Variants in MINK1 observed in about 807,000 individuals in gnomAD.
MINK1 encodes the protein misshapen like kinase 1.
Under a neutral mutation model 178.4 loss-of-function variants are expected in MINK1, and 46 were observed. That is an observed-to-expected ratio of 0.26 (90% CI 0.20 to 0.33). The LOEUF (loss-of-function observed/expected upper bound fraction) is 0.33. Among genes scored for constraint, MINK1 ranks in the 10% least tolerant of loss-of-function variants. The pLI, the probability that MINK1 is intolerant of heterozygous loss-of-function variation, is 1.00. For missense variants in MINK1, 1,366 were observed against 1,814.9 expected (o/e 0.75, Z 4.49); for synonymous variants, 797 against 709.7 (o/e 1.12, Z -1.96).
intron 1 of MINK1, among the ~76,000 whole-genome samples, chr17:4,858,675 C>T (rs1019652175): frequency 2.6e-5 from 4 of 151,982 alleles, no homozygotes; most frequent in Admixed American, 6.6e-5. Flanking sequence ...TGGGGTTTCA[C>T]CATGTTGGCC....
In MINK1 at chr17:4,886,963, G is replaced by A. The variant is rs1166851164; in HGVS notation, c.950-147G>A. The A allele has an allele frequency of 5.3e-6, 4 of 758,788 alleles. No individual in the cohort carries two copies. The highest frequency in any genetic ancestry group is 2.7e-5 in the East Asian group (1 of 37,042). The allele number at this position is 758,788 out of a possible 1,614,324, so 47.0% of individuals were successfully genotyped here. ...CTGTCCAGGCCCACACCTGAGACCC[G>A]CTGTCCTCCCATTGCCCCCAGGAAG... On this transcript the variant is annotated intron_variant, in intron 10 of 31. Transcript: ENST00000355280. The surrounding 1 kb of genome is among the most constrained non-coding windows in gnomAD (Gnocchi z 6.1).
intron 1 of MINK1, among the ~76,000 whole-genome samples, chr17:4,873,475 A>G (rs55851534): frequency 0.026 from 2,532 of 97,698 alleles, 141 homozygotes; most frequent in African/African-American, 0.11. Flanking sequence ...CCCCAATTCA[A>G]CATTCAAACC....
chr17:4,891,235 C>A, intron 15 of MINK1, 111 bp downstream of exon 15: 2 of 1,169,924 alleles, frequency 1.7e-6, no homozygotes, highest in Non-Finnish European at 2.4e-6. Context: ...CCTGCTCAGC[C>A]GTGAGCCAGG....
At chr17:4,844,125 C>T (rs1362615091) in intron 1 of MINK1, among the ~76,000 whole-genome samples, 15 of 152,136 alleles carry the variant, frequency 9.9e-5, no homozygotes, top group Middle Eastern at 3.4e-3. Flanking sequence ...CTCAGCCTCC[C>T]GAGTAGCTGG....
At chr17:4,878,513 A>G in intron 2 of MINK1, 131 bp downstream of exon 2, 1 of 800,864 alleles carries the variant, frequency 1.2e-6, no homozygotes. Flanking sequence ...GGGCCCTGGA[A>G]AGGTAGAGTG....
rs956947201 is a variant in MINK1 at position 4,873,602 on chromosome 17, A to C, written c.58-4715A>C. Among the ~76,000 whole-genome samples the C allele has an allele frequency of 6.9e-4, 92 of 133,994 alleles. 18 individuals carry two copies. Among genetic ancestry groups the C allele is most frequent in the Non-Finnish European group, 8.1e-4 (51 of 62,944 alleles). 87.9% of individuals were successfully genotyped at this position (133,994 alleles called of 152,430 possible). ...CCCACAACACAGCATGGTCTTCGCC[A>C]CTCTTTTTTCTTTTCTTTTTTTTTT... On this transcript the variant is annotated intron_variant, in intron 1 of 31. Transcript: ENST00000355280.
chr17:4,850,981 C>T (rs1260398778), intron 1 of MINK1: 2 of 458,034 alleles, frequency 4.4e-6, no homozygotes, highest in African/African-American at 4.0e-5. Flanking sequence ...AGGGACTGGC[C>T]CTCCTCCCTG....
chr17:4,869,248 ATTTATTTATTTATTTATT>A (rs1915513443), intron 1 of MINK1, among the ~76,000 whole-genome samples: 1 of 8,814 alleles, frequency 1.1e-4, no homozygotes, highest in Non-Finnish European at 5.9e-4. Flanking sequence ...TTAAATTATT[ATTTATTTATTTATTTATT>A]TATTTATTTA....
intron 1 of MINK1, among the ~76,000 whole-genome samples, chr17:4,871,903 G>C (rs1234419481): frequency 6.6e-6 from 1 of 152,124 alleles, no homozygotes; most frequent in African/African-American, 2.4e-5. Context: ...CTGAAGTACA[G>C]TGGCATGACC....
intron 1 of MINK1, among the ~76,000 whole-genome samples, chr17:4,870,892 T>C (rs1238746365): frequency 2.6e-5 from 4 of 152,206 alleles, no homozygotes; most frequent in Admixed American, 1.3e-4. Flanking sequence ...CACAGACTTA[T>C]GCAACCATCT....
chr17:4,833,679 C>A lies in MINK1; in HGVS notation c.57+39C>A, dbSNP rs1453698199. On this transcript the variant is annotated intron_variant, in intron 1 of 31. Transcript: ENST00000355280. The surrounding 1 kb of genome is among the most constrained non-coding windows in gnomAD (Gnocchi z 4.8). ...CCCCCAGCCTCGCCCTGGTTCCTGT[C>A]CCCGCCGCAGGGGAGGGAGCGGGGT... 3 of 1,456,256 alleles carry A rather than the reference C, an allele frequency of 2.1e-6. No individual in the cohort carries two copies. Among genetic ancestry groups the A allele is most frequent in the Non-Finnish European group, 2.7e-6 (3 of 1,104,354 alleles). 90.2% of individuals were successfully genotyped at this position (1,456,256 alleles called of 1,614,324 possible). A position where few individuals can be genotyped will look rare whatever the true frequency, so the allele number is the denominator to read the frequency against.
rs1222341943 is a variant in MINK1 at position 4,887,309 on chromosome 17, A to C, written c.1019+130A>C. ...GAGAGGTAGAGACTCCTGGAAACCA[A>C]ATTTCTGAGTGCTAAGAAGTGGAAC... On this transcript the variant is annotated intron_variant, in intron 11 of 31. Coordinates refer to ENST00000355280, the MANE Select transcript of MINK1 (RefSeq NM_153827.5). This position sits in a 1 kb window ranked among gnomAD's most constrained non-coding sequence, Gnocchi z 7.6. 2 of 962,464 alleles carry C rather than the reference A, an allele frequency of 2.1e-6. No individual in the cohort carries two copies. The highest frequency in any genetic ancestry group is 3.3e-5 in the African/African-American group (2 of 61,262). The allele number at this position is 962,464 out of a possible 1,614,324, so 59.6% of individuals were successfully genotyped here.
At chr17:4,869,945 C>T (rs1288703607) in intron 1 of MINK1, among the ~76,000 whole-genome samples, 11 of 306 alleles carry the variant, frequency 0.036, no homozygotes, top group Admixed American at 0.091. Flanking sequence ...CTTGCTGTGT[C>T]GCCCCAGGCT....
At chr17:4,845,128 C>T (rs1201127032) in intron 1 of MINK1, among the ~76,000 whole-genome samples, 3 of 152,198 alleles carry the variant, frequency 2.0e-5, no homozygotes, top group Middle Eastern at 3.4e-3. Context: ...TTGTTGAGTC[C>T]GCCTAGGTGC....
rs375746781 is a variant in MINK1 at position 4,895,860 on chromosome 17, C to T, written c.3364+28C>T. ...GAGGATGTCCCAACAGAGTGGCCAGCGCATACTTGTTCATGAAGAGAGAAA... is the reference window on the plus strand; with the variant it reads ...GAGGATGTCCCAACAGAGTGGCCAGTGCATACTTGTTCATGAAGAGAGAAA... On this transcript the variant is annotated intron_variant, in intron 27 of 31. Transcript: ENST00000355280. This position sits in a 1 kb window ranked among gnomAD's most constrained non-coding sequence, Gnocchi z 4.3. 53 of 1,608,026 alleles carry T rather than the reference C, an allele frequency of 3.3e-5. 2 individuals are homozygous for T. In the South Asian group the frequency reaches 4.2e-4, roughly 13 times the overall value.
At chr17:4,842,003 C>T (rs1347023018) in intron 1 of MINK1, among the ~76,000 whole-genome samples, 1 of 151,948 alleles carries the variant, frequency 6.6e-6, no homozygotes, top group Non-Finnish European at 1.5e-5. Context: ...GGGCGGATCA[C>T]GAGGTCAGGA....
chr17:4,881,896 G>A (rs1967734351), intron 4 of MINK1, among the ~76,000 whole-genome samples: 1 of 152,276 alleles, frequency 6.6e-6, no homozygotes, highest in South Asian at 2.1e-4. Context: ...TGAGGATGGA[G>A]CAGCAGGGAG....
chr17:4,844,961 A>G (rs1910797980), intron 1 of MINK1, among the ~76,000 whole-genome samples: 1 of 152,128 alleles, frequency 6.6e-6, no homozygotes, highest in Non-Finnish European at 1.5e-5. Context: ...CCATCTCCAG[A>G]ACTTCTTCAT....
chr17:4,866,141 A>G (rs147422073), intron 1 of MINK1, among the ~76,000 whole-genome samples: 1 of 152,292 alleles, frequency 6.6e-6, no homozygotes, highest in East Asian at 1.9e-4. Flanking sequence ...TGGCAGCCTC[A>G]TGGAGTGTGG....
Sources: gnomAD v4.1 joint callset for allele counts (sites outside exome capture counted in the v4.1 genomes callset) on GRCh38, gnomAD v4.1.1 for gene constraint, Gnocchi (gnomAD v3.1) non-coding constraint, MANE v1.5 for transcripts, NCBI Gene and HGNC (gene_info 2026-07-23, HGNC 2026-07-21) for gene names.